GLCE: variants seen among roughly 807,000 people sequenced by gnomAD.
GLCE encodes the protein D-glucuronyl C5-epimerase.
GLCE carries 19 observed loss-of-function variants against 47.9 expected under a neutral mutation model. The observed-to-expected ratio is 0.40, with a 90% CI of 0.28 to 0.58. The LOEUF (loss-of-function observed/expected upper bound fraction) is 0.58. Ranked by LOEUF, GLCE falls within the 20% of genes least tolerant of loss-of-function variation. The pLI is 0.48. For missense variants in GLCE, 556 were observed against 743.3 expected (o/e 0.75, Z 2.93); for synonymous variants, 245 against 263.4 (o/e 0.93, Z 0.68).
chr15:69,266,148 T>C (rs930273391), intron 4 of GLCE, among the ~76,000 whole-genome samples: 1 of 152,222 alleles, frequency 6.6e-6, no homozygotes, highest in African/African-American at 2.4e-5. Flanking sequence ...CATAAGTCTA[T>C]GAGGATGTTC....
intron 1 of GLCE, among the ~76,000 whole-genome samples, chr15:69,209,201 T>C (rs1360676041): frequency 1.3e-5 from 2 of 152,124 alleles, no homozygotes; most frequent in Non-Finnish European, 2.9e-5. Flanking sequence ...TAAAGCATTC[T>C]GTAATAATGG....
At chr15:69,184,289 C>A (rs764623943) in intron 1 of GLCE, among the ~76,000 whole-genome samples, 1 of 152,138 alleles carries the variant, frequency 6.6e-6, no homozygotes, top group African/African-American at 2.4e-5. Context: ...GCATGCAATG[C>A]GGAATAATGA....
At chr15:69,232,919 G>A (rs2052544985) in intron 2 of GLCE, among the ~76,000 whole-genome samples, 1 of 152,162 alleles carries the variant, frequency 6.6e-6, no homozygotes, top group Admixed American at 6.5e-5. Context: ...CTAAATGAGA[G>A]TATTTCTGTT....
At chr15:69,204,277 CTTTTT>C (rs57376738) in intron 1 of GLCE, among the ~76,000 whole-genome samples, 6 of 88,342 alleles carry the variant, frequency 6.8e-5, no homozygotes, top group Non-Finnish European at 6.6e-5. Flanking sequence ...GATTGTTTTA[CTTTTT>C]TTTTTTTTTT....
intron 1 of GLCE, among the ~76,000 whole-genome samples, chr15:69,193,695 G>A (rs868226245): frequency 9.2e-5 from 14 of 152,068 alleles, no homozygotes; most frequent in South Asian, 2.1e-4. Context: ...AGGAGACACT[G>A]ACTCTCAGAT....
intron 2 of GLCE, among the ~76,000 whole-genome samples, chr15:69,246,846 G>T (rs995899454): frequency 1.4e-4 from 22 of 152,172 alleles, no homozygotes; most frequent in African/African-American, 5.1e-4. Flanking sequence ...GCTCTTGGGT[G>T]ACCAGCTGCA....
At chr15:69,183,970 A>G (rs769622486) in intron 1 of GLCE, among the ~76,000 whole-genome samples, 8 of 152,206 alleles carry the variant, frequency 5.3e-5, no homozygotes, top group Non-Finnish European at 1.0e-4. Flanking sequence ...GAACATCCCA[A>G]ATAGAGGAAA....
intron 1 of GLCE, among the ~76,000 whole-genome samples, chr15:69,161,303 C>G (rs2051415995): frequency 6.6e-6 from 1 of 151,816 alleles, no homozygotes; most frequent in Non-Finnish European, 1.5e-5. Flanking sequence ...AGCAGTGTGT[C>G]CGGGTTCTGG....
intron 2 of GLCE, among the ~76,000 whole-genome samples, chr15:69,222,912 T>A (rs910389168): frequency 1.3e-5 from 2 of 152,216 alleles, no homozygotes; most frequent in African/African-American, 4.8e-5. Flanking sequence ...ACAATTAACA[T>A]CCTAGGTTAT....
intron 2 of GLCE, among the ~76,000 whole-genome samples, chr15:69,212,605 A>G (rs564659023): frequency 2.6e-5 from 4 of 152,200 alleles, no homozygotes; most frequent in Admixed American, 2.6e-4. Flanking sequence ...AAGGACCTGA[A>G]TGGACTTGAT....
intron 1 of GLCE, among the ~76,000 whole-genome samples, chr15:69,177,447 ATATGT>A (rs893482572): frequency 5.3e-5 from 8 of 152,052 alleles, no homozygotes; most frequent in African/African-American, 1.9e-4. Context: ...CAATAGTACA[ATATGT>A]TATGAGTCCC....
At chr15:69,218,765 TTATC>T (rs1208206750) in intron 2 of GLCE, among the ~76,000 whole-genome samples, 3 of 152,220 alleles carry the variant, frequency 2.0e-5, no homozygotes, top group Non-Finnish European at 2.9e-5. Flanking sequence ...TTGGAAAAGA[TTATC>T]TAATAACATT....
intron 3 of GLCE, chr15:69,260,577 CA>C (rs1437946786): frequency 6.5e-6 from 1 of 153,978 alleles, no homozygotes; most frequent in Non-Finnish European, 1.4e-5. Flanking sequence ...GCTTTTTAAG[CA>C]AATACATTAA....
At chr15:69,175,257 A>G (rs1407478146) in intron 1 of GLCE, among the ~76,000 whole-genome samples, 3 of 152,196 alleles carry the variant, frequency 2.0e-5, no homozygotes, top group Admixed American at 6.5e-5. Context: ...AGATTTTTCC[A>G]TCATCCTCAC....
intron 1 of GLCE, among the ~76,000 whole-genome samples, chr15:69,205,825 C>G (rs1311466758): frequency 6.6e-6 from 1 of 152,080 alleles, no homozygotes; most frequent in Non-Finnish European, 1.5e-5. Context: ...CCATTAAAAA[C>G]AACCTTTTTA....
At chr15:69,190,672 C>T (rs558456324) in intron 1 of GLCE, among the ~76,000 whole-genome samples, 6 of 152,170 alleles carry the variant, frequency 3.9e-5, no homozygotes, top group African/African-American at 9.6e-5. Flanking sequence ...AAATGGGTTT[C>T]TTGTAGACAG....
chr15:69,164,029 T>A (rs983844107), intron 1 of GLCE, among the ~76,000 whole-genome samples: 1 of 152,178 alleles, frequency 6.6e-6, no homozygotes, highest in African/African-American at 2.4e-5. Flanking sequence ...TAAATTAATT[T>A]TAGGACTTTC....
At chr15:69,254,086 T>C (rs1439319963) in intron 2 of GLCE, among the ~76,000 whole-genome samples, 3 of 152,094 alleles carry the variant, frequency 2.0e-5, no homozygotes, top group African/African-American at 7.2e-5. Flanking sequence ...TTTTAATATA[T>C]CATTGCTGCC....
At chr15:69,166,870 A>T (rs1040980873) in intron 1 of GLCE, among the ~76,000 whole-genome samples, 7 of 131,210 alleles carry the variant, frequency 5.3e-5, no homozygotes, top group Non-Finnish European at 1.1e-4. Context: ...CAGTGAGCCG[A>T]GATTGTCCAG....
Sources: gnomAD v4.1 joint callset for allele counts (sites outside exome capture counted in the v4.1 genomes callset) on GRCh38, gnomAD v4.1.1 for gene constraint, MANE v1.5 for transcripts, NCBI Gene and HGNC (gene_info 2026-07-23, HGNC 2026-07-21) for gene names.